The following RAP1GAP2 variants were observed in gnomAD, a reference collection of about 807,000 sequenced individuals.
RAP1GAP2 encodes the protein rap1 GTPase-activating protein 2.
RAP1GAP2 carries 27 observed loss-of-function variants against 95.0 expected under a neutral mutation model. That is an observed-to-expected ratio of 0.28 (90% CI 0.21 to 0.39). The LOEUF (loss-of-function observed/expected upper bound fraction) is 0.39. RAP1GAP2 is among the 10% of genes least tolerant of loss of function. The probability of loss-of-function intolerance (pLI) is 1.00; values close to 1 mark genes in which losing one functional copy is unlikely to be tolerated. For synonymous variants in RAP1GAP2, 373 were observed against 380.9 expected (o/e 0.98, Z 0.24); for missense variants, 771 against 970.0 (o/e 0.79, Z 2.72).
At chr17:2,957,088 A>G (rs1293400838) in intron 3 of RAP1GAP2, among the ~76,000 whole-genome samples, 1 of 150,700 alleles carries the variant, frequency 6.6e-6, no homozygotes, top group South Asian at 2.1e-4. Flanking sequence ...AGATTGCGCC[A>G]CTGCACTCCA....
chr17:2,944,292 G>A (rs1209961770), intron 3 of RAP1GAP2, among the ~76,000 whole-genome samples: 2 of 151,634 alleles, frequency 1.3e-5, no homozygotes, highest in Non-Finnish European at 2.9e-5. Flanking sequence ...GAAACAGCAC[G>A]GAGATTGCTC....
At chr17:2,929,679 C>T (rs540088472) in intron 3 of RAP1GAP2, among the ~76,000 whole-genome samples, 5 of 152,314 alleles carry the variant, frequency 3.3e-5, no homozygotes, top group African/African-American at 1.2e-4. Context: ...GTGTCAAGGC[C>T]AGGTTATGCC....
rs1050881771 is a variant in RAP1GAP2, at chr17:2,860,899, C to G, written c.81-44385C>G. Among the ~76,000 whole-genome samples the G allele has an allele frequency of 1.2e-4, 18 of 152,106 alleles. 1 individual carries two copies. Among genetic ancestry groups the G allele is most frequent in the African/African-American group, 4.3e-4 (18 of 41,404 alleles). On this transcript the variant is annotated intron_variant, in intron 2 of 24. Transcript: ENST00000254695. ...GGAATTACAGGTGTGAGTCACCGCG[C>G]CTGGCCGACTTTCCGTTATACTTTA...
In RAP1GAP2 at chr17:2,867,464, C is replaced by T. The variant is rs11656002; in HGVS notation, c.81-37820C>T. ...TCCACGAAGATGGACGATGGCTGCCCTGGGCTGACCTTCTACCCACTTAGC... is the reference window on the plus strand; with the variant it reads ...TCCACGAAGATGGACGATGGCTGCCTTGGGCTGACCTTCTACCCACTTAGC... On this transcript the variant is annotated intron_variant, in intron 2 of 24. Transcript: ENST00000254695. This position sits in a 1 kb window ranked among gnomAD's most constrained non-coding sequence, Gnocchi z 4.5. Among the ~76,000 whole-genome samples the T allele has an allele frequency of 6.6e-6, 1 of 151,840 alleles. No individual in the cohort carries two copies. The highest frequency in any genetic ancestry group is 1.5e-5 in the Non-Finnish European group (1 of 67,980).
chr17:2,978,354 G>A (rs1472920806), intron 8 of RAP1GAP2, among the ~76,000 whole-genome samples: 1 of 152,074 alleles, frequency 6.6e-6, no homozygotes, highest in East Asian at 1.9e-4. Flanking sequence ...GAACACAGGC[G>A]GTGAGATACT....
intron 3 of RAP1GAP2, among the ~76,000 whole-genome samples, chr17:2,921,933 A>G (rs1435550904): frequency 2.0e-5 from 3 of 152,156 alleles, no homozygotes; most frequent in African/African-American, 7.2e-5. Flanking sequence ...TGTCTCTTTT[A>G]AGGACACTTG....
chr17:2,870,581 CT>C lies in RAP1GAP2; in HGVS notation c.81-34695del, dbSNP rs966357211. ...TAACGTTTAATATTTTTTTTGTGGT[CT>C]TTTTTTTCTATGCAAAAGCACACCC... On this transcript the variant is annotated intron_variant, in intron 2 of 24. Coordinates refer to ENST00000254695, the MANE Select transcript of RAP1GAP2 (RefSeq NM_015085.5). This position sits in a 1 kb window ranked among gnomAD's most constrained non-coding sequence, Gnocchi z 4.4. Among the ~76,000 whole-genome samples the C allele has an allele frequency of 1.2e-4, 18 of 152,054 alleles. No individual in the cohort carries two copies. The highest frequency in any genetic ancestry group is 2.6e-4 in the Admixed American group (4 of 15,256).
chr17:2,997,704 G>T (rs935509781), intron 13 of RAP1GAP2, among the ~76,000 whole-genome samples: 15 of 151,922 alleles, frequency 9.9e-5, no homozygotes, highest in African/African-American at 3.6e-4. Context: ...AGGCTGAGGC[G>T]GGCTGGTCAG....
chr17:2,800,579 G>C (rs561047913), intron 2 of RAP1GAP2, 29 bp downstream of exon 2: 3 of 1,608,478 alleles, frequency 1.9e-6, no homozygotes, highest in South Asian at 2.2e-5. Context: ...TTCTGTAAAG[G>C]TCAGAGATGA....
Position 3,008,176 on chromosome 17 carries a change from G to T in RAP1GAP2, c.1494+31G>T, listed in dbSNP as rs1377596181. On this transcript the variant is annotated intron_variant, in intron 17 of 24. Coordinates refer to ENST00000254695, the MANE Select transcript of RAP1GAP2 (RefSeq NM_015085.5). The surrounding 1 kb of genome is among the most constrained non-coding windows in gnomAD (Gnocchi z 4.2). ...AGCGTCAGAGTGACTGATGGTTGCTGTGGGGTTGGGATTGGGGAAGAAAGG... is the reference window on the plus strand; with the variant it reads ...AGCGTCAGAGTGACTGATGGTTGCTTTGGGGTTGGGATTGGGGAAGAAAGG... 1 of 1,612,926 alleles carries T rather than the reference G, an allele frequency of 6.2e-7. No homozygotes were observed. Among genetic ancestry groups the T allele is most frequent in the Admixed American group, 1.7e-5 (1 of 59,982 alleles).
At chr17:2,877,278 TCTCCACCAC>T (rs1364362827) in intron 2 of RAP1GAP2, among the ~76,000 whole-genome samples, 1 of 152,120 alleles carries the variant, frequency 6.6e-6, no homozygotes, top group Non-Finnish European at 1.5e-5. Context: ...ATATCTCCCA[TCTCCACCAC>T]GGTCTTTTGA....
chr17:2,924,921 A>G (rs1055409577), intron 3 of RAP1GAP2, among the ~76,000 whole-genome samples: 1 of 152,134 alleles, frequency 6.6e-6, no homozygotes, highest in African/African-American at 2.4e-5. Flanking sequence ...GGAGACCAGA[A>G]TTGCATCTCA....
chr17:3,032,280 G>C, intron 23 of RAP1GAP2, 131 bp from the exon 24 acceptor site: 7 of 979,430 alleles, frequency 7.1e-6, no homozygotes, highest in Non-Finnish European at 1.1e-5. Context: ...GGTGGGAAGT[G>C]CTTGTTCCTG....
intron 3 of RAP1GAP2, among the ~76,000 whole-genome samples, chr17:2,913,746 A>G (rs752761144): frequency 1.6e-4 from 25 of 152,234 alleles, no homozygotes; most frequent in Admixed American, 6.5e-4. Context: ...ACCTTGATCA[A>G]GAAACAGGAC....
At chr17:2,849,812 C>T (rs2873468) in intron 2 of RAP1GAP2, among the ~76,000 whole-genome samples, 14,894 of 152,170 alleles carry the variant, frequency 0.098, 1,356 homozygotes, top group East Asian at 0.34. Context: ...AGACTTCTGC[C>T]GTCCTCATTT....
At chr17:2,760,648 A>AC (rs1263186323) in intron 1 of RAP1GAP2, among the ~76,000 whole-genome samples, 1 of 150,234 alleles carries the variant, frequency 6.7e-6, no homozygotes, top group Non-Finnish European at 1.5e-5. Flanking sequence ...GCCAACTTTC[A>AC]CTTTTTTTTT....
chr17:2,972,913 A>C (rs2044933944), intron 8 of RAP1GAP2, among the ~76,000 whole-genome samples: 1 of 152,184 alleles, frequency 6.6e-6, no homozygotes, highest in Non-Finnish European at 1.5e-5. Context: ...TGCCCATAGA[A>C]GGCATTCAGT....
chr17:2,995,219 C>A, intron 12 of RAP1GAP2, 118 bp from the exon 13 acceptor site: 1 of 1,295,238 alleles, frequency 7.7e-7, no homozygotes, highest in Non-Finnish European at 1.1e-6. Context: ...CTGCCCTCAG[C>A]TCTCCTGTCT....
intron 2 of RAP1GAP2, among the ~76,000 whole-genome samples, chr17:2,809,187 A>G (rs750741212): frequency 1.3e-5 from 2 of 152,148 alleles, no homozygotes; most frequent in African/African-American, 4.8e-5. Context: ...TCATTGGACA[A>G]ACAGCTCCCC....
Sources: gnomAD v4.1 joint callset for allele counts (sites outside exome capture counted in the v4.1 genomes callset) on GRCh38, gnomAD v4.1.1 for gene constraint, Gnocchi (gnomAD v3.1) non-coding constraint, MANE v1.5 for transcripts, NCBI Gene and HGNC (gene_info 2026-07-23, HGNC 2026-07-21) for gene names.